The following DGKB variants were observed in gnomAD, a reference collection of about 807,000 sequenced individuals.
The protein encoded by DGKB is 90 kDa diacylglycerol kinase.
A neutral mutation model predicts 114.3 loss-of-function variants in DGKB; 67 were observed. The ratio of observed to expected loss-of-function variants is 0.59; its 90% confidence interval spans 0.48 to 0.72. The LOEUF (loss-of-function observed/expected upper bound fraction) is 0.72. Among genes scored for constraint, DGKB ranks in the 30% least tolerant of loss-of-function variants. The pLI is 0.00. For missense variants in DGKB, 907 were observed against 975.2 expected (o/e 0.93, Z 0.93); for synonymous variants, 398 against 323.1 (o/e 1.23, Z -2.49).
chr7:14,577,040 A>G (rs1584921683), intron 19 of DGKB, among the ~76,000 whole-genome samples: 2 of 152,178 alleles, frequency 1.3e-5, no homozygotes, highest in East Asian at 1.9e-4. Context: ...ATAAGTAACT[A>G]TTAATAGGGT....
At chr7:14,524,363 T>C (rs1370690440) in intron 20 of DGKB, among the ~76,000 whole-genome samples, 1 of 152,202 alleles carries the variant, frequency 6.6e-6, no homozygotes, top group East Asian at 1.9e-4. Context: ...TTTTCCTAGA[T>C]ACTTGCCAGG....
chr7:14,841,145 G>C lies in DGKB; in HGVS notation c.70+49C>G, dbSNP rs764133090. 16 of 1,460,084 alleles carry C rather than the reference G, an allele frequency of 1.1e-5. No individual in the cohort carries two copies. The African/African-American group carries it at 1.7e-4, about 15-fold the overall frequency. The allele number at this position is 1,460,084 out of a possible 1,614,324, so 90.4% of individuals were successfully genotyped here. A position where few individuals can be genotyped will look rare whatever the true frequency, so the allele number is the denominator to read the frequency against. On this transcript the variant is annotated intron_variant, in intron 2 of 25. Coordinates refer to ENST00000402815, the MANE Select transcript of DGKB (RefSeq NM_001350709.2). The stretch of plus-strand genomic sequence containing the variant: ...CATTCTTATAAATAAATGATACTTT[G>C]TCTAGCACAAATGTCAAATAATCTC...
chr7:14,966,955 T>C (rs554418592), intron 1 of DGKB, among the ~76,000 whole-genome samples: 1 of 152,294 alleles, frequency 6.6e-6, no homozygotes, highest in African/African-American at 2.4e-5. Context: ...AAGGAAATAT[T>C]ATGCATGAAT....
At chr7:14,489,883 G>A (rs557165217) in intron 20 of DGKB, among the ~76,000 whole-genome samples, 3 of 152,280 alleles carry the variant, frequency 2.0e-5, no homozygotes, top group South Asian at 2.1e-4. Context: ...ATATAAGCCT[G>A]CAATTGAGGC....
At chr7:14,270,782 G>A (rs1175040244) in intron 23 of DGKB, among the ~76,000 whole-genome samples, 3 of 152,240 alleles carry the variant, frequency 2.0e-5, no homozygotes, top group South Asian at 2.1e-4. Flanking sequence ...TGGAATTTGC[G>A]GGTCTTGAAA....
chr7:14,523,332 A>T (rs1367780), intron 20 of DGKB, among the ~76,000 whole-genome samples: 6 of 152,066 alleles, frequency 3.9e-5, no homozygotes, highest in Non-Finnish European at 8.8e-5. Context: ...TGTTCATGAA[A>T]GCTGTTTCAA....
At chr7:14,434,313 G>A (rs1290873228) in intron 21 of DGKB, among the ~76,000 whole-genome samples, 1 of 152,106 alleles carries the variant, frequency 6.6e-6, no homozygotes, top group Non-Finnish European at 1.5e-5. Context: ...TCCCTATATA[G>A]TAAAGTGGGC....
intron 23 of DGKB, among the ~76,000 whole-genome samples, chr7:14,294,929 G>C (rs1802301857): frequency 6.6e-6 from 1 of 152,150 alleles, no homozygotes; most frequent in African/African-American, 2.4e-5. Context: ...TAAGCAGAAA[G>C]AGTGACCTAA....
intron 13 of DGKB, among the ~76,000 whole-genome samples, chr7:14,640,093 C>T (rs934881009): frequency 6.6e-6 from 1 of 152,188 alleles, no homozygotes; most frequent in African/African-American, 2.4e-5. Flanking sequence ...GGAATGAGTT[C>T]TACAACACAC....
rs1009097781 is a variant in DGKB, at chr7:14,890,228, C to T, written c.-188+12364G>A. 9.2e-5 allele frequency among the ~76,000 whole-genome samples: 14 copies of T among 151,470 alleles called. No homozygotes were observed. In the East Asian group the frequency reaches 1.4e-3, roughly 15 times the overall value. On this transcript the variant is annotated intron_variant, in intron 1 of 25. Coordinates refer to ENST00000402815, the MANE Select transcript of DGKB (RefSeq NM_001350709.2). ...CAGCTAACCCTATTTATATAGCTTA[C>T]GTAAAATTACATAGGAAAGAAATGC...
rs977175400 is a variant in DGKB, at chr7:14,900,257, T to C, written c.-188+2335A>G. On this transcript the variant is annotated intron_variant, in intron 1 of 25. Coordinates refer to ENST00000402815, the MANE Select transcript of DGKB (RefSeq NM_001350709.2). ...CACTTGATCAGAATTTGCGTTGGTGTTTTACAAGAGAAAGAGAATGCTATT... is the reference window on the plus strand; with the variant it reads ...CACTTGATCAGAATTTGCGTTGGTGCTTTACAAGAGAAAGAGAATGCTATT... Among the ~76,000 whole-genome samples the C allele has an allele frequency of 1.1e-4, 17 of 152,124 alleles. 1 individual carries two copies. The highest frequency in any genetic ancestry group is 9.8e-4 in the Admixed American group (15 of 15,254).
chr7:14,800,590 G>T (rs1453795593), intron 2 of DGKB, among the ~76,000 whole-genome samples: 3 of 152,174 alleles, frequency 2.0e-5, no homozygotes, highest in African/African-American at 7.2e-5. Flanking sequence ...ACAGCCTATT[G>T]TGGGACCCTG....
At chr7:14,359,232 T>A (rs1280838280) in intron 21 of DGKB, among the ~76,000 whole-genome samples, 2 of 152,194 alleles carry the variant, frequency 1.3e-5, no homozygotes, top group Non-Finnish European at 2.9e-5. Flanking sequence ...ATTCCTTATT[T>A]AATAAACGGC....
At chr7:14,886,992 A>G (rs1780387196) in intron 1 of DGKB, among the ~76,000 whole-genome samples, 1 of 151,946 alleles carries the variant, frequency 6.6e-6, no homozygotes, top group Non-Finnish European at 1.5e-5. Flanking sequence ...TCTCGTTAAT[A>G]CGGACTCATC....
chr7:14,212,951 T>C (rs1788367853), intron 23 of DGKB, among the ~76,000 whole-genome samples: 1 of 152,122 alleles, frequency 6.6e-6, no homozygotes, highest in South Asian at 2.1e-4. Flanking sequence ...AAAATGGCAA[T>C]AATTGTCCTT....
intron 19 of DGKB, among the ~76,000 whole-genome samples, chr7:14,577,959 G>A (rs1275361748): frequency 6.6e-6 from 1 of 152,050 alleles, no homozygotes; most frequent in East Asian, 1.9e-4. Flanking sequence ...CATTGATATG[G>A]TTTGGCTCTG....
chr7:14,419,431 C>G (rs1160907165), intron 21 of DGKB, among the ~76,000 whole-genome samples: 1 of 151,776 alleles, frequency 6.6e-6, no homozygotes, highest in African/African-American at 2.4e-5. Flanking sequence ...ATAAACTTTG[C>G]AAAACTCAGA....
chr7:14,540,357 C>A (rs759936753), intron 20 of DGKB, among the ~76,000 whole-genome samples: 1 of 152,002 alleles, frequency 6.6e-6, no homozygotes, highest in African/African-American at 2.4e-5. Flanking sequence ...TATGTTCTGA[C>A]ATAACTCAAT....
intron 21 of DGKB, among the ~76,000 whole-genome samples, chr7:14,428,739 GTA>G (rs1173818806): frequency 6.6e-6 from 1 of 152,006 alleles, no homozygotes; most frequent in Non-Finnish European, 1.5e-5. Context: ...GTGTAAGTGT[GTA>G]TGTTTTTGCA....
Sources: allele counts gnomAD v4.1 joint callset (sites outside exome capture counted in the v4.1 genomes callset), GRCh38; gene constraint gnomAD v4.1.1; transcripts MANE v1.5; gene names NCBI Gene and HGNC (gene_info 2026-07-23, HGNC 2026-07-21).